Variants in SPATA16 observed in about 807,000 individuals in gnomAD.
SPATA16 encodes the protein spermatogenesis associated 16.
Under a neutral mutation model 63.3 loss-of-function variants are expected in SPATA16, and 36 were observed. The ratio of observed to expected loss-of-function variants is 0.57; its 90% confidence interval spans 0.44 to 0.75. The LOEUF (loss-of-function observed/expected upper bound fraction) is 0.75. Ranked by LOEUF, SPATA16 falls within the 30% of genes least tolerant of loss-of-function variation. The pLI is 0.00. For synonymous variants in SPATA16, 203 were observed against 216.7 expected, an observed-to-expected ratio of 0.94 and a Z score of 0.56; for missense variants, 646 against 679.3, an observed-to-expected ratio of 0.95 and a Z score of 0.54.
intron 3 of SPATA16, among the ~76,000 whole-genome samples, chr3:173,033,550 A>T (rs754537699): frequency 3.3e-5 from 5 of 152,188 alleles, no homozygotes. Context: ...CTCAAGGTTC[A>T]GAAACCAAAG....
intron 5 of SPATA16, among the ~76,000 whole-genome samples, chr3:172,975,352 CAT>C (rs1734130610): frequency 1.3e-5 from 2 of 152,252 alleles, no homozygotes; most frequent in East Asian, 3.9e-4. Context: ...GATAGGTACT[CAT>C]ATACATTTGT....
At chr3:172,997,335 A>G (rs1577124348) in intron 4 of SPATA16, among the ~76,000 whole-genome samples, 1 of 152,174 alleles carries the variant, frequency 6.6e-6, no homozygotes, top group East Asian at 1.9e-4. Flanking sequence ...GTATCTCATT[A>G]TTGTTTTAAT....
chr3:173,062,960 G>C (rs1292184052), intron 2 of SPATA16, among the ~76,000 whole-genome samples: 1 of 152,326 alleles, frequency 6.6e-6, no homozygotes, highest in Non-Finnish European at 1.5e-5. Flanking sequence ...CAGAGCTCAG[G>C]CAGTAATGCT....
At chr3:172,955,748 G>A (rs1466600425) in intron 6 of SPATA16, among the ~76,000 whole-genome samples, 3 of 152,138 alleles carry the variant, frequency 2.0e-5, no homozygotes, top group African/African-American at 7.2e-5. Context: ...TCAAATCCAA[G>A]GCCTGTCTAA....
chr3:173,088,662 A>C (rs775739659), intron 2 of SPATA16, among the ~76,000 whole-genome samples: 7 of 152,184 alleles, frequency 4.6e-5, no homozygotes, highest in Non-Finnish European at 1.0e-4. Flanking sequence ...ATAGGTATTA[A>C]ATTTGAAACT....
intron 4 of SPATA16, among the ~76,000 whole-genome samples, chr3:173,002,207 T>G (rs1734843612): frequency 6.6e-6 from 1 of 152,170 alleles, no homozygotes; most frequent in South Asian, 2.1e-4. Flanking sequence ...TTTTTAAATA[T>G]AGGGTAGGGT....
intron 4 of SPATA16, among the ~76,000 whole-genome samples, chr3:173,007,230 G>A (rs1320116605): frequency 2.6e-5 from 4 of 152,216 alleles, no homozygotes; most frequent in African/African-American, 7.2e-5. Context: ...ACCAGAGGGC[G>A]GGTTATGCTC....
intron 2 of SPATA16, among the ~76,000 whole-genome samples, chr3:173,074,693 C>T (rs1034805114): frequency 6.6e-6 from 1 of 151,902 alleles, no homozygotes; most frequent in African/African-American, 2.4e-5. Context: ...AGATGGCAAC[C>T]ATAGACACTG....
At chr3:172,962,507 A>G (rs1175979372) in intron 5 of SPATA16, among the ~76,000 whole-genome samples, 3 of 152,212 alleles carry the variant, frequency 2.0e-5, no homozygotes, top group Non-Finnish European at 4.4e-5. Context: ...AATCTCTCTC[A>G]TAATCCCTTT....
chr3:173,138,393 G>A (rs981262613), intron 1 of SPATA16, among the ~76,000 whole-genome samples: 1 of 152,160 alleles, frequency 6.6e-6, no homozygotes, highest in Non-Finnish European at 1.5e-5. Flanking sequence ...CTAAAGAAAA[G>A]TGAGGCCAAT....
chr3:173,105,300 C>A (rs1388759517), intron 2 of SPATA16, among the ~76,000 whole-genome samples: 2 of 152,068 alleles, frequency 1.3e-5, no homozygotes, highest in Non-Finnish European at 2.9e-5. Context: ...GTGTTCAGAC[C>A]CATTCTTGAG....
chr3:173,009,511 C>G (rs945815073), intron 4 of SPATA16, among the ~76,000 whole-genome samples: 1 of 152,232 alleles, frequency 6.6e-6, no homozygotes, highest in African/African-American at 2.4e-5. Context: ...CACTCAAGCC[C>G]ATGTGAAGCC....
At chr3:172,970,948 A>C (rs1286203882) in intron 5 of SPATA16, among the ~76,000 whole-genome samples, 1 of 152,194 alleles carries the variant, frequency 6.6e-6, no homozygotes, top group East Asian at 1.9e-4. Context: ...ATGATTTTGC[A>C]CTATCAAGAA....
intron 5 of SPATA16, among the ~76,000 whole-genome samples, chr3:172,974,570 A>C (rs1225373251): frequency 2.0e-5 from 3 of 151,974 alleles, no homozygotes; most frequent in Non-Finnish European, 2.9e-5. Flanking sequence ...GATCAAGGAG[A>C]AGCTGGTTAG....
chr3:173,083,717 C>T (rs977985486), intron 2 of SPATA16, among the ~76,000 whole-genome samples: 7 of 152,118 alleles, frequency 4.6e-5, no homozygotes, highest in Non-Finnish European at 8.8e-5. Context: ...TCAGCTCCAA[C>T]TTATAAGTGA....
chr3:173,017,155 G>T (rs556113694), intron 4 of SPATA16, among the ~76,000 whole-genome samples: 1 of 152,052 alleles, frequency 6.6e-6, no homozygotes, highest in Non-Finnish European at 1.5e-5. Flanking sequence ...ACTGTATATT[G>T]AAGGCTATAA....
At chr3:172,985,480 A>G (rs562927241) in intron 4 of SPATA16, among the ~76,000 whole-genome samples, 3 of 152,358 alleles carry the variant, frequency 2.0e-5, no homozygotes, top group South Asian at 2.1e-4. Context: ...GGCTATCAAT[A>G]TGACATCCAT....
At chr3:172,920,802 A>AT in intron 8 of SPATA16, among the ~76,000 whole-genome samples, 1 of 152,324 alleles carries the variant, frequency 6.6e-6, no homozygotes, top group East Asian at 1.9e-4. Flanking sequence ...CATATTTATC[A>AT]TTATTTATGT....
At chr3:173,137,045 A>G (rs1439333790) in intron 1 of SPATA16, among the ~76,000 whole-genome samples, 5 of 152,218 alleles carry the variant, frequency 3.3e-5, no homozygotes, top group Non-Finnish European at 7.3e-5. Context: ...CTACATTCCC[A>G]CATTTCAACA....
Sources: allele counts gnomAD v4.1 joint callset (sites outside exome capture counted in the v4.1 genomes callset), GRCh38; gene constraint gnomAD v4.1.1; transcripts MANE v1.5; gene names NCBI Gene and HGNC (gene_info 2026-07-23, HGNC 2026-07-21).